Variants in AP5Z1 observed in about 807,000 individuals in gnomAD.
AP5Z1 encodes the protein AP-5 complex subunit zeta-1.
In AP5Z1, 106 loss-of-function variants were observed where a neutral mutation model predicts 83.0. The observed-to-expected ratio is 1.28, with a 90% CI of 1.09 to 1.50. The LOEUF (loss-of-function observed/expected upper bound fraction) is 1.50. Ranked by LOEUF, AP5Z1 falls within the 40% of genes most tolerant of loss-of-function variation. The probability of loss-of-function intolerance (pLI) is 0.00; values close to 1 mark genes in which losing one functional copy is unlikely to be tolerated. For synonymous variants in AP5Z1, 751 were observed against 514.1 expected (o/e 1.46, Z -6.23); for missense variants, 1,565 against 1,094.2 (o/e 1.43, Z -6.07).
Position 4,788,381 on chromosome 7 carries a change from G to A in AP5Z1, c.1595+87G>A, listed in dbSNP as rs980900927. ...GGTGGGGCTCACTGCTCAGCCCTAG[G>A]CTGAGGCCAGGGTGCTTTGTGTCCC... On this transcript the variant is annotated intron_variant, in intron 12 of 16. Coordinates refer to ENST00000649063, the MANE Select transcript of AP5Z1 (RefSeq NM_014855.3). 11 of 1,429,010 alleles carry A rather than the reference G, an allele frequency of 7.7e-6. No homozygotes were observed. In the African/African-American group the frequency reaches 1.4e-4, roughly 19 times the overall value. The allele number at this position is 1,429,010 out of a possible 1,614,324, so 88.5% of individuals were successfully genotyped here.
At chr7:4,785,224 C>T (rs1029123977) in intron 7 of AP5Z1, among the ~76,000 whole-genome samples, 176 bp downstream of exon 7, 4 of 152,178 alleles carry the variant, frequency 2.6e-5, no homozygotes, top group African/African-American at 9.6e-5. Flanking sequence ...GTTCTTCAGG[C>T]TCCACCCCAG....
At chr7:4,781,092 A>G (rs762150270) in intron 1 of AP5Z1, 83 bp from the exon 2 acceptor site, 365 of 1,524,318 alleles carry the variant, frequency 2.4e-4, no homozygotes, top group Non-Finnish European at 3.2e-4. Context: ...CTAAAGAGGG[A>G]TTTTCCCTGC....
At position 4,791,175 on chromosome 7, in the gene AP5Z1, G is replaced by A. The variant is rs780405940; in HGVS notation, c.2214G>A (p.Thr738=). 77 of 1,586,778 alleles carry A rather than the reference G, an allele frequency of 4.9e-5. No individual in the cohort carries two copies. In the East Asian group the frequency reaches 6.0e-4, roughly 12 times the overall value. The change falls in exon 17 of 17, where the codon ACG becomes ACA. Residue 738 remains threonine, a synonymous_variant. Coordinates refer to ENST00000649063, the MANE Select transcript of AP5Z1 (RefSeq NM_014855.3). Reference sequence around the variant, plus strand: ...CTCACAGTCCAGCCACCAGCTCCACGCACAGCGAGGAGGGCGCGGAAGCCA... The same window carrying A: ...CTCACAGTCCAGCCACCAGCTCCACACACAGCGAGGAGGGCGCGGAAGCCA... The part of the protein sequence containing the change: ...TLAHSPATSS[T]HSEEGAEAIR...
rs764310871 is a variant in AP5Z1 at position 4,791,347 on chromosome 7, C to T, written c.2386C>T (p.Arg796Trp). The change falls in exon 17 of 17, where the codon CGG becomes TGG. Residue 796 changes from arginine to tryptophan, a missense_variant. By Grantham distance (101) the Arg-to-Trp change is moderately radical. Transcript: ENST00000649063. ...GCCCCTGGCCCTGCGCACGGTCAGC[C>T]GGCTGGTGGAGAGGGAGGCCGGCCT... ...ALPLALRTVS[R>W]LVEREAGLMP... 6.0e-5 allele frequency: 96 copies of T among 1,608,776 alleles called. No individual in the cohort carries two copies. The highest frequency in any genetic ancestry group is 4.9e-4 in the East Asian group (22 of 44,692).
chr7:4,775,846 C>G, intron 1 of AP5Z1, 90 bp downstream of exon 1: 1 of 1,528,586 alleles, frequency 6.5e-7, no homozygotes, highest in Non-Finnish European at 8.8e-7. Context: ...GGCTTGGGCG[C>G]CAGCCTTGCA....
At chr7:4,781,154 G>A in intron 1 of AP5Z1, 21 bp from the exon 2 acceptor site, 1 of 1,611,740 alleles carries the variant, frequency 6.2e-7, no homozygotes, top group East Asian at 2.2e-5. Context: ...TCTGGGTCCT[G>A]AAGTCCTCTT....
In AP5Z1 at chr7:4,790,607, G is replaced by A; in HGVS notation, c.1938+16G>A. The A allele has an allele frequency of 1.2e-6, 2 of 1,611,938 alleles. No individual in the cohort carries two copies. Among genetic ancestry groups the A allele is most frequent in the East Asian group, 2.2e-5 (1 of 44,862 alleles). On this transcript the variant is annotated intron_variant, in intron 15 of 16. Coordinates refer to ENST00000649063, the MANE Select transcript of AP5Z1 (RefSeq NM_014855.3). ...CACCAGCGTGGTAAGGCGGGCGCTG[G>A]CCTCCCACAGCCGCTCCTGACCCAG... is the stretch of plus-strand genomic sequence containing the variant.
At position 4,783,298 on chromosome 7, in the gene AP5Z1, G is replaced by T. The variant is rs746575761; in HGVS notation, c.367-18G>T. 6.3e-7 allele frequency: 1 copy of T among 1,590,842 alleles called. No homozygotes were observed. On this transcript the variant is annotated intron_variant, in intron 3 of 16. Transcript: ENST00000649063. ...GGCACAGGCCAGTACCCCAGCGTTT[G>T]CCCTGTTTGATTTGAAGGGTGACAG...
intron 12 of AP5Z1, 161 bp downstream of exon 12, chr7:4,788,455 C>T (rs1781630583): frequency 1.1e-6 from 1 of 909,046 alleles, no homozygotes; most frequent in Non-Finnish European, 1.6e-6. Flanking sequence ...CCTGCTTCTG[C>T]ACCACGGGTC....
Position 4,775,636 on chromosome 7 carries a change from A to G in AP5Z1, c.-80A>G. The G allele has an allele frequency of 6.3e-7, 1 of 1,582,324 alleles. No individual in the cohort carries two copies. Among genetic ancestry groups the G allele is most frequent in the Non-Finnish European group, 8.6e-7 (1 of 1,166,534 alleles). On this transcript the variant is annotated 5_prime_UTR_variant, in exon 1 of 17. Coordinates refer to ENST00000649063, the MANE Select transcript of AP5Z1 (RefSeq NM_014855.3). Reference sequence around the variant, plus strand: ...CTGCGCTCACGTGACGCGGTCCCGGAAGTTGACCGGGGTGCGGAGCTCCTG... The same window carrying G: ...CTGCGCTCACGTGACGCGGTCCCGGGAGTTGACCGGGGTGCGGAGCTCCTG...
rs555588759 is a variant in AP5Z1, at chr7:4,790,598, C to T, written c.1938+7C>T. On this transcript the variant is annotated splice_region_variant and intron_variant, in intron 15 of 16. Transcript: ENST00000649063. Reference sequence around the variant, plus strand: ...GAGCCTCGTCACCAGCGTGGTAAGGCGGGCGCTGGCCTCCCACAGCCGCTC... The same window carrying T: ...GAGCCTCGTCACCAGCGTGGTAAGGTGGGCGCTGGCCTCCCACAGCCGCTC... 1.7e-5 allele frequency: 28 copies of T among 1,612,500 alleles called. No homozygotes were observed. The highest frequency in any genetic ancestry group is 1.7e-4 in the Middle Eastern group (1 of 6,058).
chr7:4,791,370 C>T lies in AP5Z1; in HGVS notation c.2409C>T (p.Gly803=), dbSNP rs746879323. Residue 803 remains glycine (G), a synonymous_variant, in exon 17 of 17, where the codon GGC becomes GGT. Coordinates refer to ENST00000649063, the MANE Select transcript of AP5Z1 (RefSeq NM_014855.3). ...TVSRLVEREA[G]LMPG is the part of the protein sequence containing the mutation. ...GCCGGCTGGTGGAGAGGGAGGCCGG[C>T]CTCATGCCAGGGTGAAGGGACAGTG... The T allele has an allele frequency of 2.5e-6, 4 of 1,606,542 alleles. No individual in the cohort carries two copies. The highest frequency in any genetic ancestry group is 1.7e-5 in the Admixed American group (1 of 59,418).
chr7:4,787,083 G>A (rs1340232170), intron 10 of AP5Z1, among the ~76,000 whole-genome samples: 1 of 152,056 alleles, frequency 6.6e-6, no homozygotes, highest in African/African-American at 2.4e-5. Context: ...GGTGCCATTT[G>A]CTTTTGAAGT....
At position 4,781,759 on chromosome 7, in the gene AP5Z1, C is replaced by T. The variant is rs143800095; in HGVS notation, c.366+5C>T. On this transcript the variant is annotated splice_donor_5th_base_variant and intron_variant, in intron 3 of 16. Transcript: ENST00000649063. ...GCCTCCGTTCTCTTGGCCCAGGTAG[C>T]GCAGCAGTCACCACCCCAGTTGGCA... 604 of 1,548,722 alleles carry T rather than the reference C, an allele frequency of 3.9e-4. 2 individuals carry two copies. The African/African-American group carries it at 6.9e-3, about 18-fold the overall frequency.
chr7:4,788,341 G>T (rs3816851), intron 12 of AP5Z1, 47 bp downstream of exon 12: 3 of 1,520,312 alleles, frequency 2.0e-6, no homozygotes, highest in East Asian at 2.4e-5. Flanking sequence ...CAGAGAGCCC[G>T]GCCACAGCCA....
chr7:4,783,643 CTG>C (rs1316228183), intron 4 of AP5Z1, 44 bp from the exon 5 acceptor site: 3 of 1,529,196 alleles, frequency 2.0e-6, no homozygotes, highest in Non-Finnish European at 2.7e-6. Flanking sequence ...ACCCAGGCAT[CTG>C]TAGGATTCAA....
At chr7:4,790,083 C>T in intron 14 of AP5Z1, 154 bp downstream of exon 14, 3 of 1,281,064 alleles carry the variant, frequency 2.3e-6, no homozygotes, top group South Asian at 1.5e-5. Flanking sequence ...CACAGCCCCA[C>T]ACCCAGCCCC....
chr7:4,779,371 T>A (rs1436118991), intron 1 of AP5Z1, among the ~76,000 whole-genome samples: 2 of 139,426 alleles, frequency 1.4e-5, no homozygotes, highest in Non-Finnish European at 3.2e-5. Flanking sequence ...CATAACGTGT[T>A]ATATGTCATA....
At chr7:4,787,493 T>C (rs963587570) in intron 10 of AP5Z1, 141 bp from the exon 11 acceptor site, 2 of 1,277,516 alleles carry the variant, frequency 1.6e-6, no homozygotes, top group South Asian at 3.2e-5. Flanking sequence ...CTCAAAAAAA[T>C]AAAAAGCGGG....
Sources: allele counts gnomAD v4.1 joint callset (sites outside exome capture counted in the v4.1 genomes callset), GRCh38; gene constraint gnomAD v4.1.1; transcripts MANE v1.5; gene names NCBI Gene and HGNC (gene_info 2026-07-23, HGNC 2026-07-21).